The following GPR160 variants were observed in gnomAD, a reference collection of about 807,000 sequenced individuals.
GPR160 encodes the protein probable G protein-coupled receptor 160.
GPR160 carries 2 observed loss-of-function variants against 2.6 expected under a neutral mutation model. The ratio of observed to expected loss-of-function variants is 0.77; its 90% CI spans 0.32 to 2.44. The LOEUF is 2.44. Among genes scored for constraint, GPR160 ranks in the 30% most tolerant of loss-of-function variants. GPR160 has a pLI of 0.11. For synonymous variants in GPR160, 130 were observed against 132.2 expected, an observed-to-expected ratio of 0.98 and a Z score of 0.12; for missense variants, 351 against 383.6, an observed-to-expected ratio of 0.91 and a Z score of 0.71.
In GPR160 at chr3:170,084,647, T is replaced by G. The variant is rs767287003; in HGVS notation, c.675T>G (p.Pro225=). The stretch of plus-strand genomic sequence containing the variant: ...TGAATGAAACTATCTTATATTTTCC[T>G]TTTTCATCCCACTCCAGTTATACTG... The part of the protein sequence containing the change: ...SYMNETILYF[P]FSSHSSYTVR... Residue 225 remains proline, a synonymous_variant, in exon 4 of 4, where the codon CCT becomes CCG. Coordinates refer to ENST00000355897, the MANE Select transcript of GPR160 (RefSeq NM_014373.3). 3.4e-5 allele frequency: 55 copies of G among 1,610,510 alleles called. No individual in the cohort carries two copies. The highest frequency in any genetic ancestry group is 4.5e-5 in the Non-Finnish European group (53 of 1,177,134).
At chr3:170,062,808 G>A (rs1017476906) in intron 2 of GPR160, 1 of 641,816 alleles carries the variant, frequency 1.6e-6, no homozygotes, top group African/African-American at 1.8e-5. Context: ...GGAAAGAATA[G>A]ATGAATTGGT....
At chr3:170,058,235 G>A (rs1711740325) in intron 2 of GPR160, among the ~76,000 whole-genome samples, 3 of 152,220 alleles carry the variant, frequency 2.0e-5, no homozygotes, top group Non-Finnish European at 2.9e-5. Context: ...GCAGGCCTGG[G>A]TGGGTATTTC....
intron 2 of GPR160, among the ~76,000 whole-genome samples, chr3:170,042,139 T>G (rs79258667): frequency 6.6e-6 from 1 of 152,196 alleles, no homozygotes; most frequent in African/African-American, 2.4e-5. Flanking sequence ...CATCCCATCC[T>G]GTGAGGCGAA....
At chr3:170,056,414 A>G (rs1180754814) in intron 2 of GPR160, among the ~76,000 whole-genome samples, 3 of 152,224 alleles carry the variant, frequency 2.0e-5, no homozygotes, top group Non-Finnish European at 2.9e-5. Context: ...AGCAGGGGAC[A>G]TAATCTTAAC....
At chr3:170,050,063 T>TG (rs1339419068) in intron 2 of GPR160, among the ~76,000 whole-genome samples, 2 of 120,340 alleles carry the variant, frequency 1.7e-5, no homozygotes, top group Non-Finnish European at 3.6e-5. Context: ...AGACAATTCC[T>TG]TTTTTTTTTT....
chr3:170,071,995 G>T (rs1219236952), intron 2 of GPR160, among the ~76,000 whole-genome samples: 1 of 150,870 alleles, frequency 6.6e-6, no homozygotes, highest in Admixed American at 6.6e-5. Context: ...ATTTTCCTGT[G>T]GATGGATATT....
At chr3:170,066,974 A>G (rs1210156119) in intron 2 of GPR160, among the ~76,000 whole-genome samples, 2 of 152,158 alleles carry the variant, frequency 1.3e-5, no homozygotes. Context: ...TGAGGTAAAC[A>G]GTGTAGTTTA....
chr3:170,083,793 T>G lies in GPR160; in HGVS notation c.-68-112T>G, dbSNP rs117523123. 2,567 of 426,848 alleles carry G rather than the reference T, an allele frequency of 6.0e-3. 109 individuals carry two copies. The East Asian group carries it at 0.08, about 13-fold the overall frequency. The allele number at this position is 426,848 out of a possible 1,614,324, so 26.4% of individuals were successfully genotyped here. ...GTATTATGTGACATATAATTCTTAT[T>G]CATATATTTATTTGGGGAAATGATT... On this transcript the variant is annotated intron_variant, in intron 3 of 3. Transcript: ENST00000355897.
At chr3:170,064,390 G>A (rs1712180304) in intron 2 of GPR160, among the ~76,000 whole-genome samples, 1 of 152,120 alleles carries the variant, frequency 6.6e-6, no homozygotes, top group Admixed American at 6.5e-5. Context: ...CCAGGTGTGC[G>A]GGCAGGGCCG....
At chr3:170,056,702 A>T (rs1474252371) in intron 2 of GPR160, among the ~76,000 whole-genome samples, 1 of 152,206 alleles carries the variant, frequency 6.6e-6, no homozygotes, top group Non-Finnish European at 1.5e-5. Context: ...ACCTGCATTA[A>T]TGGGGTACCG....
intron 2 of GPR160, among the ~76,000 whole-genome samples, chr3:170,053,083 G>A (rs553858321): frequency 4.0e-4 from 61 of 152,180 alleles, no homozygotes; most frequent in Non-Finnish European, 7.6e-4. Flanking sequence ...ATCAGGTAGT[G>A]TAAGTCGTCC....
chr3:170,074,848 T>C (rs1712775892), intron 2 of GPR160, among the ~76,000 whole-genome samples: 1 of 152,100 alleles, frequency 6.6e-6, no homozygotes, highest in African/African-American at 2.4e-5. Context: ...TAACCTACTT[T>C]GGGTTTAATT....
chr3:170,058,443 G>GCT (rs1711757745), intron 2 of GPR160, among the ~76,000 whole-genome samples: 1 of 152,114 alleles, frequency 6.6e-6, no homozygotes, highest in South Asian at 2.1e-4. Flanking sequence ...CACGTGCCTG[G>GCT]GAAAAAGAAG....
At chr3:170,066,218 G>T (rs1278349248) in intron 2 of GPR160, among the ~76,000 whole-genome samples, 3 of 123,516 alleles carry the variant, frequency 2.4e-5, no homozygotes, top group Admixed American at 2.2e-4. Flanking sequence ...TCGGCTCCCT[G>T]CAAGCTCTGC....
Position 170,085,119 on chromosome 3 carries a change from T to C in GPR160, c.*130T>C, listed in dbSNP as rs1713364801. 4.1e-6 allele frequency: 2 copies of C among 483,624 alleles called. No individual in the cohort carries two copies. 30.0% of individuals were successfully genotyped at this position (483,624 alleles called of 1,614,324 possible). A position where few individuals can be genotyped will look rare whatever the true frequency, so the allele number is the denominator to read the frequency against. On this transcript the variant is annotated 3_prime_UTR_variant, in exon 4 of 4. Coordinates refer to ENST00000355897, the MANE Select transcript of GPR160 (RefSeq NM_014373.3). ...CTGACTGATAGCATTTCAGAATGTGTCTTTTGAAGGGCTATGATACCAGTT... is the reference window on the plus strand; with the variant it reads ...CTGACTGATAGCATTTCAGAATGTGCCTTTTGAAGGGCTATGATACCAGTT...
Position 170,084,470 on chromosome 3 carries a change from A to G in GPR160, c.498A>G (p.Ala166=). 1 of 1,613,698 alleles carries G rather than the reference A, an allele frequency of 6.2e-7. No individual in the cohort carries two copies. Among genetic ancestry groups the G allele is most frequent in the Non-Finnish European group, 8.5e-7 (1 of 1,179,636 alleles). The change falls in exon 4 of 4, where the codon GCA becomes GCG. Residue 166 remains alanine, a synonymous_variant. Transcript: ENST00000355897. The part of the protein sequence containing the change: ...GDPAIYQSLK[A]QNAYSRHCPF... ...CAGCCATCTACCAAAGCCTGAAGGC[A>G]CAGAATGCTTATTCTCGTCACTGTC...
rs889415794 is a variant in GPR160, at chr3:170,038,713, T to A, written c.-321-202T>A. On this transcript the variant is annotated intron_variant, in intron 1 of 3. Transcript: ENST00000355897. This position sits in a 1 kb window ranked among gnomAD's most constrained non-coding sequence, Gnocchi z 5.3. ...CGACTTTGCCTCCCCTCCCCTGGCC[T>A]CGAGCGTTGGGGACGGCGCCCCCGC... 95 of 151,904 alleles carry A rather than the reference T, an allele frequency of 6.3e-4. No homozygotes were observed. Among genetic ancestry groups the A allele is most frequent in the African/African-American group, 2.1e-3 (87 of 41,326 alleles). The allele number at this position is 151,904 out of a possible 1,614,324, so 9.4% of individuals were successfully genotyped here. A position where few individuals can be genotyped will look rare whatever the true frequency, so the allele number is the denominator to read the frequency against.
In GPR160 at chr3:170,065,445, C is replaced by T. The variant is rs1020862280; in HGVS notation, c.-192-14329C>T. 3.9e-5 allele frequency among the ~76,000 whole-genome samples: 6 copies of T among 152,330 alleles called. No homozygotes were observed. In the East Asian group the frequency reaches 5.8e-4, roughly 15 times the overall value. The stretch of plus-strand genomic sequence containing the variant: ...ATGCCTAGATAATCTTCACCAACCT[C>T]GGAATCCTCGAATTGTACTCTACAT... On this transcript the variant is annotated intron_variant, in intron 2 of 3. Coordinates refer to ENST00000355897, the MANE Select transcript of GPR160 (RefSeq NM_014373.3).
chr3:170,079,175 T>G (rs991230566), intron 2 of GPR160, among the ~76,000 whole-genome samples: 4 of 152,228 alleles, frequency 2.6e-5, no homozygotes, highest in Non-Finnish European at 4.4e-5. Flanking sequence ...TCAAGGCTGC[T>G]CTCTTCTTCG....
Sources: gnomAD v4.1 joint callset for allele counts (sites outside exome capture counted in the v4.1 genomes callset) on GRCh38, gnomAD v4.1.1 for gene constraint, Gnocchi (gnomAD v3.1) non-coding constraint, MANE v1.5 for transcripts, NCBI Gene and HGNC (gene_info 2026-07-23, HGNC 2026-07-21) for gene names.